Variants in TMEM232 observed in about 807,000 individuals in gnomAD.
The protein encoded by TMEM232 is transmembrane protein 232.
TMEM232 carries 80 observed loss-of-function variants against 78.8 expected under a neutral mutation model. The ratio of observed to expected loss-of-function variants is 1.01; its 90% CI spans 0.85 to 1.22. The LOEUF (loss-of-function observed/expected upper bound fraction) is 1.22. Ranked by LOEUF, TMEM232 falls within the 50% of genes most tolerant of loss-of-function variation. The probability of loss-of-function intolerance (pLI) is 0.00; values close to 1 mark genes in which losing one functional copy is unlikely to be tolerated. For missense variants in TMEM232, 881 were observed against 742.2 expected, an observed-to-expected ratio of 1.19 and a Z score of -2.17; for synonymous variants, 297 against 254.3, an observed-to-expected ratio of 1.17 and a Z score of -1.60.
At chr5:110,447,427 T>C (rs1050044681) in intron 12 of TMEM232, among the ~76,000 whole-genome samples, 2 of 151,934 alleles carry the variant, frequency 1.3e-5, no homozygotes, top group African/African-American at 4.8e-5. Context: ...CACAAATGTA[T>C]AGAGAGGGAC....
intron 1 of TMEM232, among the ~76,000 whole-genome samples, chr5:110,693,813 C>A (rs1561526991): frequency 6.6e-6 from 1 of 151,852 alleles, no homozygotes; most frequent in African/African-American, 2.4e-5. Flanking sequence ...GTGAAAAGAC[C>A]AAATCTACGT....
At chr5:110,528,450 T>C in intron 12 of TMEM232, 138 bp downstream of exon 12, 2 of 725,260 alleles carry the variant, frequency 2.8e-6, no homozygotes, top group South Asian at 2.7e-5. Context: ...TGATAGATCA[T>C]CTAAGAGGTG....
intron 12 of TMEM232, among the ~76,000 whole-genome samples, chr5:110,525,694 G>A (rs779248720): frequency 2.0e-5 from 3 of 151,358 alleles, no homozygotes; most frequent in African/African-American, 7.3e-5. Context: ...TTCTAAATTT[G>A]ATATAAAAAT....
chr5:110,618,478 C>A lies in TMEM232; in HGVS notation c.853G>T (p.Val285Leu). 6.4e-7 allele frequency: 1 copy of A among 1,551,588 alleles called. No homozygotes were observed. Among genetic ancestry groups the A allele is most frequent in the South Asian group, 1.2e-5 (1 of 84,046 alleles). Residue 285 changes from valine (V) to leucine (L), a missense_variant, in exon 8 of 14, where the codon GTG (valine) becomes TTG (leucine). By Grantham distance (32) the Val-to-Leu change is conservative. Coordinates refer to ENST00000455884, the MANE Select transcript of TMEM232 (RefSeq NM_001039763.4). The part of the protein sequence containing the change: ...VQNNSPQLNN[V>L]LEHLVFHKTQ... ...TTATGGAAGACGAGATGTTCAAGCA[C>A]GTTATTCAACTGAGGACTGTTATTC...
At position 110,696,167 on chromosome 5, in the gene TMEM232, G is replaced by A. The variant is rs189052367; in HGVS notation, c.-12-28803C>T. 3.5e-3 allele frequency among the ~76,000 whole-genome samples: 538 copies of A among 152,160 alleles called. 4 individuals are homozygous for A. The highest frequency in any genetic ancestry group is 0.012 in the African/African-American group (515 of 41,516). Reference sequence around the variant, plus strand: ...GTTCACCATACGAAAATCAATAAACGTAATCCAGCATATAAAGAGAACCAA... The same window carrying A: ...GTTCACCATACGAAAATCAATAAACATAATCCAGCATATAAAGAGAACCAA... On this transcript the variant is annotated intron_variant, in intron 1 of 13. Transcript: ENST00000455884.
intron 3 of TMEM232, among the ~76,000 whole-genome samples, chr5:110,395,411 C>T (rs1042799172): frequency 2.0e-5 from 3 of 152,104 alleles, no homozygotes; most frequent in African/African-American, 7.2e-5. Context: ...CACAGTTGAC[C>T]TTTAGCAAGT....
chr5:110,571,687 G>GTT (rs202119745), intron 10 of TMEM232, among the ~76,000 whole-genome samples: 2 of 147,424 alleles, frequency 1.4e-5, no homozygotes, highest in South Asian at 2.1e-4. Flanking sequence ...TGTTTGTTTT[G>GTT]TTTTTTTGTT....
In TMEM232 at chr5:110,465,944, C is replaced by T. The variant is rs1053194992; in HGVS notation, c.1704-41028G>A. ...ATAAACAAGACAGAAAATCTCCACT[C>T]TCATAATACATTCATTCTAGATACA... is the stretch of plus-strand genomic sequence containing the variant. On this transcript the variant is annotated intron_variant, in intron 12 of 13. Coordinates refer to ENST00000455884, the MANE Select transcript of TMEM232 (RefSeq NM_001039763.4). 6.6e-5 allele frequency among the ~76,000 whole-genome samples: 10 copies of T among 152,178 alleles called. 4 individuals carry two copies. The highest frequency in any genetic ancestry group is 6.5e-4 in the Admixed American group (10 of 15,284).
At chr5:110,684,991 T>C (rs1258430237) in intron 1 of TMEM232, 2 of 152,112 alleles carry the variant, frequency 1.3e-5, no homozygotes, top group Non-Finnish European at 2.9e-5. Flanking sequence ...TTGCAAAATG[T>C]AGGTAATCTA....
chr5:110,447,386 C>G (rs944465734), intron 12 of TMEM232, among the ~76,000 whole-genome samples: 1 of 151,992 alleles, frequency 6.6e-6, no homozygotes, highest in Non-Finnish European at 1.5e-5. Flanking sequence ...TGCCACCTAG[C>G]TGCACATCTA....
At chr5:110,508,444 T>A (rs1338369372) in intron 12 of TMEM232, among the ~76,000 whole-genome samples, 1 of 151,308 alleles carries the variant, frequency 6.6e-6, no homozygotes, top group African/African-American at 2.4e-5. Flanking sequence ...CACACACATA[T>A]ATATCTTGAG....
At chr5:110,454,608 T>G (rs918587426) in intron 12 of TMEM232, among the ~76,000 whole-genome samples, 5 of 151,688 alleles carry the variant, frequency 3.3e-5, no homozygotes, top group African/African-American at 1.2e-4. Flanking sequence ...GGAAATCACA[T>G]GAAAAATTAG....
chr5:110,473,195 C>G (rs906554518), intron 12 of TMEM232, among the ~76,000 whole-genome samples: 4 of 151,730 alleles, frequency 2.6e-5, no homozygotes, highest in African/African-American at 9.7e-5. Context: ...ATACTTCTGA[C>G]AAGAGGTTAA....
chr5:110,655,318 C>T (rs1199704279), intron 2 of TMEM232, among the ~76,000 whole-genome samples: 2 of 150,092 alleles, frequency 1.3e-5, no homozygotes. Flanking sequence ...CTCATCATCA[C>T]TGGCCATCAG....
chr5:110,598,329 T>A (rs1461748865), intron 10 of TMEM232, among the ~76,000 whole-genome samples: 2 of 152,152 alleles, frequency 1.3e-5, no homozygotes, highest in Non-Finnish European at 2.9e-5. Context: ...TCACACCAGT[T>A]AGAATGGCAA....
At chr5:110,453,974 GT>G (rs1370655284) in intron 12 of TMEM232, among the ~76,000 whole-genome samples, 2 of 152,272 alleles carry the variant, frequency 1.3e-5, no homozygotes, top group East Asian at 3.9e-4. Context: ...CATTCTAAGT[GT>G]GTGTGAACCT....
intron 2 of TMEM232, among the ~76,000 whole-genome samples, chr5:110,652,210 T>G (rs1474432737): frequency 6.6e-6 from 1 of 151,790 alleles, no homozygotes; most frequent in East Asian, 1.9e-4. Flanking sequence ...ATTCTTCTTT[T>G]AAAATAATAG....
intron 11 of TMEM232, among the ~76,000 whole-genome samples, chr5:110,564,676 A>G (rs999069499): frequency 2.0e-5 from 3 of 151,898 alleles, no homozygotes; most frequent in African/African-American, 7.2e-5. Flanking sequence ...TGGTCAGCAT[A>G]CTCATAAATG....
At chr5:110,689,205 A>C (rs1240579661) in intron 1 of TMEM232, among the ~76,000 whole-genome samples, 1 of 152,160 alleles carries the variant, frequency 6.6e-6, no homozygotes, top group East Asian at 1.9e-4. Context: ...GACCTTTGTA[A>C]ACCCTGGGGC....
Sources: gnomAD v4.1 joint callset for allele counts (sites outside exome capture counted in the v4.1 genomes callset) on GRCh38, gnomAD v4.1.1 for gene constraint, MANE v1.5 for transcripts, NCBI Gene and HGNC (gene_info 2026-07-23, HGNC 2026-07-21) for gene names.